The following IFT81 variants were observed in gnomAD, a reference collection of about 807,000 sequenced individuals.
IFT81 encodes the protein intraflagellar transport protein 81 homolog.
Under a neutral mutation model 102.6 loss-of-function variants are expected in IFT81, and 72 were observed. That is an observed-to-expected ratio of 0.70 (90% CI 0.58 to 0.85). The LOEUF (loss-of-function observed/expected upper bound fraction) is 0.85. Among genes scored for constraint, IFT81 ranks in the 40% least tolerant of loss-of-function variants. The probability of loss-of-function intolerance (pLI) is 0.00; values close to 1 mark genes in which losing one functional copy is unlikely to be tolerated. For missense variants in IFT81, 723 were observed against 787.3 expected (o/e 0.92, Z 0.98); for synonymous variants, 237 against 242.7 (o/e 0.98, Z 0.22).
intron 11 of IFT81, among the ~76,000 whole-genome samples, chr12:110,165,138 G>A (rs942355552): frequency 6.6e-6 from 1 of 151,832 alleles, no homozygotes; most frequent in African/African-American, 2.4e-5. Flanking sequence ...GTCATCATTT[G>A]GAAATGATAA....
chr12:110,191,223 T>G (rs1897784071), intron 13 of IFT81, among the ~76,000 whole-genome samples, 175 bp downstream of exon 13: 1 of 151,836 alleles, frequency 6.6e-6, no homozygotes. Flanking sequence ...CAGGCTAGAG[T>G]GCAGTGGCAT....
chr12:110,216,672 G>A (rs901175690), intron 18 of IFT81: 7 of 432,530 alleles, frequency 1.6e-5, no homozygotes, highest in Admixed American at 1.1e-4. Flanking sequence ...CACCATGTCC[G>A]GCTAATTTTT....
At chr12:110,208,178 C>G (rs1193078927) in intron 17 of IFT81, among the ~76,000 whole-genome samples, 3 of 152,108 alleles carry the variant, frequency 2.0e-5, no homozygotes, top group African/African-American at 7.2e-5. Flanking sequence ...TGTGTATACA[C>G]ACACGTATAC....
chr12:110,128,205 TC>T (rs1210893522), intron 3 of IFT81, 56 bp downstream of exon 3: 2 of 1,033,122 alleles, frequency 1.9e-6, no homozygotes, highest in Non-Finnish European at 3.0e-6. Context: ...ATCCAAACCT[TC>T]ATATACTGCA....
intron 8 of IFT81, among the ~76,000 whole-genome samples, chr12:110,138,017 C>G (rs1221139464): frequency 6.6e-6 from 1 of 152,184 alleles, no homozygotes; most frequent in Non-Finnish European, 1.5e-5. Context: ...AGGCATTTTA[C>G]AAAGCATTTT....
intron 14 of IFT81, among the ~76,000 whole-genome samples, chr12:110,195,921 T>C (rs986549055): frequency 2.0e-5 from 3 of 152,202 alleles, no homozygotes; most frequent in Admixed American, 2.0e-4. Flanking sequence ...AATGTAGCTA[T>C]GGAGAGATCT....
At chr12:110,200,255 AC>A (rs1372077954) in intron 14 of IFT81, among the ~76,000 whole-genome samples, 1 of 152,212 alleles carries the variant, frequency 6.6e-6, no homozygotes, top group African/African-American at 2.4e-5. Context: ...GAGTGTACTT[AC>A]ACAAACCTAG....
At chr12:110,139,647 G>A (rs1351257136) in intron 8 of IFT81, among the ~76,000 whole-genome samples, 2 of 151,442 alleles carry the variant, frequency 1.3e-5, no homozygotes, top group Non-Finnish European at 2.9e-5. Context: ...GGTGGCGGGT[G>A]CCTGTAGTCC....
chr12:110,200,899 G>A (rs1008241773), intron 14 of IFT81, among the ~76,000 whole-genome samples: 16 of 149,890 alleles, frequency 1.1e-4, no homozygotes, highest in Admixed American at 6.0e-4. Flanking sequence ...GCGGTGAGCC[G>A]AGATCCCGCC....
At chr12:110,168,591 T>C (rs985788229) in intron 11 of IFT81, 1 of 304,250 alleles carries the variant, frequency 3.3e-6, no homozygotes, top group East Asian at 1.7e-4. Flanking sequence ...TTTGACTTCA[T>C]GTTTTAAGAG....
intron 8 of IFT81, among the ~76,000 whole-genome samples, chr12:110,139,767 C>G (rs1027994965): frequency 7.0e-6 from 1 of 142,306 alleles, no homozygotes; most frequent in Admixed American, 7.2e-5. Flanking sequence ...GAGTGAGACT[C>G]CATCTCAAAA....
intron 8 of IFT81, among the ~76,000 whole-genome samples, chr12:110,142,317 G>A (rs1680211933): frequency 2.0e-5 from 3 of 152,112 alleles, no homozygotes; most frequent in African/African-American, 7.2e-5. Context: ...ACAGGCATGT[G>A]CCACCATGCC....
chr12:110,213,259 C>A (rs1303413754), intron 18 of IFT81, among the ~76,000 whole-genome samples: 2 of 152,030 alleles, frequency 1.3e-5, no homozygotes, highest in East Asian at 1.9e-4. Flanking sequence ...CCCATTACAT[C>A]ATTTTTTCCT....
chr12:110,168,466 ACAT>A (rs1437745657), intron 11 of IFT81: 2 of 965,862 alleles, frequency 2.1e-6, no homozygotes, highest in African/African-American at 1.8e-5. Context: ...CCAATTCAAC[ACAT>A]CATCTGTTAC....
chr12:110,201,589 T>C (rs1210715728), intron 14 of IFT81, among the ~76,000 whole-genome samples: 4 of 151,710 alleles, frequency 2.6e-5, no homozygotes, highest in Admixed American at 2.6e-4. Flanking sequence ...TACCACCAAG[T>C]CTGGCTAATT....
intron 11 of IFT81, among the ~76,000 whole-genome samples, chr12:110,166,236 A>G (rs954172095): frequency 1.3e-5 from 2 of 152,268 alleles, no homozygotes; most frequent in African/African-American, 4.8e-5. Flanking sequence ...TTTGAAAGCT[A>G]GAAATATAGT....
intron 9 of IFT81, among the ~76,000 whole-genome samples, chr12:110,144,863 CTTTTTT>C (rs34675452): frequency 5.4e-5 from 5 of 93,074 alleles, no homozygotes; most frequent in African/African-American, 1.9e-4. Context: ...GGTGCAGTGC[CTTTTTT>C]TTTTTTTTTT....
At chr12:110,144,047 T>C (rs2137360843) in intron 9 of IFT81, among the ~76,000 whole-genome samples, 1 of 148,944 alleles carries the variant, frequency 6.7e-6, no homozygotes, top group East Asian at 2.0e-4. Flanking sequence ...ACTTGCTCTG[T>C]TGCCCAGGCT....
chr12:110,169,831 G>A (rs957701461), intron 11 of IFT81, among the ~76,000 whole-genome samples: 8 of 152,116 alleles, frequency 5.3e-5, no homozygotes, highest in African/African-American at 1.7e-4. Flanking sequence ...CCAAAGTGCT[G>A]GGATCACAGG....
Sources: gnomAD v4.1 joint callset for allele counts (sites outside exome capture counted in the v4.1 genomes callset) on GRCh38, gnomAD v4.1.1 for gene constraint, MANE v1.5 for transcripts, NCBI Gene and HGNC (gene_info 2026-07-23, HGNC 2026-07-21) for gene names.